The following RUNX1T1 variants were observed in gnomAD, a reference collection of about 807,000 sequenced individuals.
RUNX1T1 encodes the protein protein CBFA2T1.
A neutral mutation model predicts 62.8 loss-of-function variants in RUNX1T1; 4 were observed. That is an observed-to-expected ratio of 0.06 (90% CI 0.03 to 0.15). The LOEUF (loss-of-function observed/expected upper bound fraction) is 0.15, where lower values mean the gene tolerates loss of function less well. Ranked by LOEUF, RUNX1T1 falls within the 10% of genes least tolerant of loss-of-function variation. The pLI, the probability that RUNX1T1 is intolerant of heterozygous loss-of-function variation, is 1.00. For missense variants in RUNX1T1, 508 were observed against 754.3 expected (o/e 0.67, Z 3.82); for synonymous variants, 291 against 286.0 (o/e 1.02, Z -0.18).
intron 4 of RUNX1T1, among the ~76,000 whole-genome samples, chr8:92,008,819 G>A (rs761880540): frequency 3.5e-4 from 54 of 152,244 alleles, no homozygotes; most frequent in Middle Eastern, 3.4e-3. Context: ...TTAGTTTCAG[G>A]ATGAAGCAAA....
intron 1 of RUNX1T1, among the ~76,000 whole-genome samples, chr8:92,028,137 ATGAAAGGAAGGAAGAAAGGTTAGT>A (rs1185932555): frequency 7.3e-6 from 1 of 137,258 alleles, no homozygotes; most frequent in Non-Finnish European, 1.6e-5. Context: ...GGAGGGATGG[ATGAAAGGAAGGAAGAAAGGTTAGT>A]TTCTGCCAAA....
intron 8 of RUNX1T1, among the ~76,000 whole-genome samples, chr8:91,976,575 A>C (rs1813997897): frequency 6.6e-6 from 1 of 152,256 alleles, no homozygotes; most frequent in Non-Finnish European, 1.5e-5. Flanking sequence ...TCTGTTGAGC[A>C]GAGAGAATTA....
intron 4 of RUNX1T1, among the ~76,000 whole-genome samples, chr8:92,008,330 A>T (rs1821226228): frequency 6.6e-6 from 1 of 151,234 alleles, no homozygotes; most frequent in African/African-American, 2.4e-5. Flanking sequence ...TGTCTCCCAC[A>T]TTCTTCTTAT....
At position 92,085,538 on chromosome 8, in the gene RUNX1T1, A is replaced by T. The variant is rs541340941; in HGVS notation, c.-85-9401T>A. Among the ~76,000 whole-genome samples the T allele has an allele frequency of 3.9e-5, 6 of 152,336 alleles. 1 individual carries two copies. In the South Asian group the frequency reaches 1.0e-3, roughly 26 times the overall value. On this transcript the variant is annotated intron_variant, in intron 1 of 11. Transcript: ENST00000265814. Reference sequence around the variant, plus strand: ...TTCTTTAAAAAAGATTGATTTCTTTATGCTTAATAATTAGTTCTTATCAAG... The same window carrying T: ...TTCTTTAAAAAAGATTGATTTCTTTTTGCTTAATAATTAGTTCTTATCAAG...
intron 10 of RUNX1T1, among the ~76,000 whole-genome samples, chr8:91,965,876 C>T (rs887816664): frequency 6.6e-6 from 1 of 152,050 alleles, no homozygotes; most frequent in African/African-American, 2.4e-5. Context: ...TTCGTTCTTA[C>T]ATAGACACAC....
At chr8:92,007,614 T>C (rs910662743) in intron 4 of RUNX1T1, among the ~76,000 whole-genome samples, 1 of 152,118 alleles carries the variant, frequency 6.6e-6, no homozygotes, top group Admixed American at 6.5e-5. Context: ...GAATATATGG[T>C]ATAGTCTACG....
chr8:92,095,999 G>A (rs140576666), intron 1 of RUNX1T1, among the ~76,000 whole-genome samples: 6 of 152,288 alleles, frequency 3.9e-5, no homozygotes, highest in Admixed American at 6.5e-5. Flanking sequence ...TGAGTCTATA[G>A]AGCAGTTAAG....
chr8:92,074,112 C>T (rs1308855715), intron 2 of RUNX1T1, among the ~76,000 whole-genome samples: 1 of 152,164 alleles, frequency 6.6e-6, no homozygotes, highest in East Asian at 1.9e-4. Flanking sequence ...TATGTACACA[C>T]ACCACACATA....
chr8:91,997,089 T>G (rs113461958), intron 5 of RUNX1T1, among the ~76,000 whole-genome samples: 1,629 of 152,108 alleles, frequency 0.011, 21 homozygotes, highest in African/African-American at 0.037. Context: ...ATCGCGCCAC[T>G]GCACTCCAGC....
chr8:92,010,373 A>G (rs1332525631), intron 4 of RUNX1T1: 1 of 152,272 alleles, frequency 6.6e-6, no homozygotes, highest in Admixed American at 6.5e-5. Context: ...TTTAGTATCC[A>G]TCAGTGAATT....
At chr8:91,960,355 A>G in exon 11 of RUNX1T1, 1 of 1,613,806 alleles carries the variant, frequency 6.2e-7, no homozygotes. Flanking sequence ...GTGACAGAGG[A>G]GCTGACTGCA....
intron 4 of RUNX1T1, chr8:92,005,593 T>A (rs1287215680): frequency 3.2e-6 from 1 of 315,254 alleles, no homozygotes; most frequent in African/African-American, 2.2e-5. Flanking sequence ...CTTGAATGTA[T>A]GTTCTACGGT....
intron 10 of RUNX1T1, among the ~76,000 whole-genome samples, chr8:91,965,941 G>T: frequency 6.6e-6 from 1 of 151,530 alleles, no homozygotes; most frequent in Non-Finnish European, 1.5e-5. Flanking sequence ...TCATCTCATT[G>T]GCACCTCTCC....
At chr8:92,085,129 T>C (rs1031058975) in intron 1 of RUNX1T1, among the ~76,000 whole-genome samples, 5 of 152,212 alleles carry the variant, frequency 3.3e-5, no homozygotes, top group African/African-American at 1.2e-4. Context: ...CTAAAGGAGA[T>C]AAATGGTAAA....
intron 5 of RUNX1T1, among the ~76,000 whole-genome samples, chr8:91,993,221 A>G (rs1017488805): frequency 6.6e-6 from 1 of 152,150 alleles, no homozygotes; most frequent in African/African-American, 2.4e-5. Flanking sequence ...TTTGTCTGCT[A>G]ACACTAGAGC....
chr8:91,960,301 C>A (rs560019876), exon 11 of RUNX1T1: 1 of 1,610,600 alleles, frequency 6.2e-7, no homozygotes, highest in South Asian at 1.1e-5. Flanking sequence ...CTCGGAGTGG[C>A]TGCTGGTGGT....
At chr8:91,959,411 C>CT (rs57422710) in exon 11 of RUNX1T1, 5 of 161,800 alleles carry the variant, frequency 3.1e-5, no homozygotes, top group Admixed American at 1.8e-4. Flanking sequence ...GAGTCTCTTA[C>CT]TTGTGTGTGT....
At chr8:92,032,001 G>A (rs959509097) in intron 1 of RUNX1T1, among the ~76,000 whole-genome samples, 5 of 147,778 alleles carry the variant, frequency 3.4e-5, no homozygotes, top group Admixed American at 6.9e-5. Flanking sequence ...GCTGAGGCAC[G>A]AGAATTTTTT....
At chr8:92,006,436 T>C (rs982794293) in intron 4 of RUNX1T1, 6 of 152,152 alleles carry the variant, frequency 3.9e-5, no homozygotes, top group Non-Finnish European at 5.9e-5. Context: ...TGTACACCGA[T>C]TAACCCATCA....
Sources: allele counts gnomAD v4.1 joint callset (sites outside exome capture counted in the v4.1 genomes callset), GRCh38; gene constraint gnomAD v4.1.1; transcripts MANE v1.5; gene names NCBI Gene and HGNC (gene_info 2026-07-23, HGNC 2026-07-21).